FBLN1: variants seen among roughly 807,000 people sequenced by gnomAD.
FBLN1 encodes the protein fibulin 1, also known as fibulin-1.
FBLN1 carries 34 observed loss-of-function variants against 89.7 expected under a neutral mutation model. That is an observed-to-expected ratio of 0.38 (90% CI 0.29 to 0.50). The LOEUF is 0.50. Among genes scored for constraint, FBLN1 ranks in the 20% least tolerant of loss-of-function variants. The probability of loss-of-function intolerance (pLI) is 0.92; values close to 1 mark genes in which losing one functional copy is unlikely to be tolerated. For missense variants in FBLN1, 777 were observed against 988.1 expected (o/e 0.79, Z 2.86); for synonymous variants, 393 against 391.3 (o/e 1.00, Z -0.05).
At chr22:45,517,396 G>A (rs2088183981) in intron 1 of FBLN1, 1 of 357,962 alleles carries the variant, frequency 2.8e-6, no homozygotes, top group African/African-American at 2.2e-5. Flanking sequence ...TCCTCCCTTG[G>A]GGCACAATGG....
At position 45,556,614 on chromosome 22, in the gene FBLN1, C is replaced by T. The variant is rs1040516787; in HGVS notation, c.1697+5999C>T. Among the ~76,000 whole-genome samples the T allele has an allele frequency of 1.2e-4, 18 of 152,138 alleles. No individual in the cohort carries two copies. The highest frequency in any genetic ancestry group is 4.3e-4 in the African/African-American group (18 of 41,424). ...GGATCTCCTGTATTCCATGCATACT[C>T]TAACTTATCTTCATTTTGGAGTAGT... On this transcript the variant is annotated intron_variant, in intron 14 of 16. Transcript: ENST00000327858. This position sits in a 1 kb window ranked among gnomAD's most constrained non-coding sequence, Gnocchi z 4.6.
chr22:45,528,838 TCTGAAAGCCG>T (rs1434657722), intron 4 of FBLN1, among the ~76,000 whole-genome samples: 1 of 152,166 alleles, frequency 6.6e-6, no homozygotes, highest in Non-Finnish European at 1.5e-5. Context: ...TGTGACCTTA[TCTGAAAGCCG>T]CTGTCCTGGA....
Position 45,527,922 on chromosome 22 carries a change from G to A in FBLN1, c.397G>A (p.Gly133Ser), listed in dbSNP as rs1475231906. ...GQSCEYSLMV[G>S]YQCGQVFQAC... ...GAGCTGCGAGTACAGCCTCATGGTTGGCTACCAGTGTGGACAGGTCTTCCA... is the reference window on the plus strand; with the variant it reads ...GAGCTGCGAGTACAGCCTCATGGTTAGCTACCAGTGTGGACAGGTCTTCCA... Residue 133 changes from glycine (G) to serine (S), a missense_variant, in exon 4 of 17, where the codon GGC (glycine) becomes AGC (serine). Gly to Ser is a moderately conservative substitution (Grantham distance 56). Transcript: ENST00000327858. 1.9e-6 allele frequency: 3 copies of A among 1,614,072 alleles called. No homozygotes were observed. Among genetic ancestry groups the A allele is most frequent in the South Asian group, 2.2e-5 (2 of 91,084 alleles).
At chr22:45,524,593 C>T (rs1378082176) in intron 2 of FBLN1, among the ~76,000 whole-genome samples, 2 of 152,148 alleles carry the variant, frequency 1.3e-5, no homozygotes, top group African/African-American at 2.4e-5. Flanking sequence ...GGAACGAGCA[C>T]TGAGAAGAGC....
chr22:45,509,480 A>C (rs1026067794), intron 1 of FBLN1, among the ~76,000 whole-genome samples: 4 of 152,138 alleles, frequency 2.6e-5, no homozygotes, highest in Admixed American at 6.5e-5. Context: ...CAGGAGCCCT[A>C]AGAGCAGGCT....
chr22:45,575,073 C>T lies in FBLN1; in HGVS notation c.1840+420C>T, dbSNP rs1171590035. On this transcript the variant is annotated intron_variant, in intron 15 of 16. Coordinates refer to ENST00000327858, the MANE Select transcript of FBLN1 (RefSeq NM_006486.3). This position sits in a 1 kb window ranked among gnomAD's most constrained non-coding sequence, Gnocchi z 6.3. ...CTGGGATTACAGGCGTGAGCCACCG[C>T]GCCTGGCAACTTGACATGCAGAACT... 2.6e-5 allele frequency among the ~76,000 whole-genome samples: 4 copies of T among 152,166 alleles called. No individual in the cohort carries two copies. Among genetic ancestry groups the T allele is most frequent in the Admixed American group, 6.5e-5 (1 of 15,270 alleles).
intron 8 of FBLN1, among the ~76,000 whole-genome samples, chr22:45,539,760 C>CCATT (rs1415887209): frequency 1.3e-5 from 2 of 152,296 alleles, no homozygotes; most frequent in African/African-American, 2.4e-5. Context: ...TTATTCATTC[C>CCATT]CATTCATTCA....
chr22:45,515,509 C>T (rs529744222), intron 1 of FBLN1, among the ~76,000 whole-genome samples: 1 of 152,288 alleles, frequency 6.6e-6, no homozygotes, highest in Admixed American at 6.5e-5. Flanking sequence ...ATTTCCAAAC[C>T]GTTTCTGCAG....
intron 16 of FBLN1, among the ~76,000 whole-genome samples, chr22:45,582,477 C>T (rs1036793252): frequency 1.3e-5 from 2 of 152,150 alleles, no homozygotes; most frequent in African/African-American, 2.4e-5. Flanking sequence ...CTTTACCTGC[C>T]GAGGGCCCAC....
At chr22:45,542,116 CTAAAGGTT>C (rs780269734) in intron 9 of FBLN1, 31 bp from the exon 10 acceptor site, 30 of 1,613,896 alleles carry the variant, frequency 1.9e-5, no homozygotes, top group Non-Finnish European at 2.5e-5. Flanking sequence ...AAAACCCAAA[CTAAAGGTT>C]TTCATCATGG....
At chr22:45,547,346 G>A (rs1602197750) in intron 12 of FBLN1, 142 bp downstream of exon 12, 3 of 1,011,002 alleles carry the variant, frequency 3.0e-6, no homozygotes, top group East Asian at 5.4e-5. Flanking sequence ...GTCCACCCTT[G>A]GAGGCAAGCG....
At chr22:45,570,069 C>G (rs1389766984) in intron 14 of FBLN1, among the ~76,000 whole-genome samples, 2 of 151,760 alleles carry the variant, frequency 1.3e-5, no homozygotes, top group Admixed American at 1.3e-4. Context: ...CCTGTAATCC[C>G]AGCATTTTGG....
At position 45,581,086 on chromosome 22, in the gene FBLN1, G is replaced by A. The variant is rs2089038287; in HGVS notation, c.1972+3978G>A. ...TTCTCAGCTCTGCAGCCTGTAATCC[G>A]GGGTGCTCTGGGAAGAGATCTTTCA... is the stretch of plus-strand genomic sequence containing the variant. On this transcript the variant is annotated intron_variant, in intron 16 of 16. Coordinates refer to ENST00000327858, the MANE Select transcript of FBLN1 (RefSeq NM_006486.3). The surrounding 1 kb of genome is among the most constrained non-coding windows in gnomAD (Gnocchi z 7.6). Among the ~76,000 whole-genome samples the A allele has an allele frequency of 6.6e-6, 1 of 152,260 alleles. No individual in the cohort carries two copies. The highest frequency in any genetic ancestry group is 2.4e-5 in the African/African-American group (1 of 41,556).
chr22:45,515,231 G>A (rs539963703), intron 1 of FBLN1, among the ~76,000 whole-genome samples: 19 of 152,250 alleles, frequency 1.2e-4, no homozygotes, highest in East Asian at 3.9e-4. Context: ...CCTCTGCCTC[G>A]TCGCCATCCA....
rs757136781 is a variant in FBLN1 at position 45,541,347 on chromosome 22, C to T, written c.1041C>T (p.Leu347=). The T allele has an allele frequency of 2.5e-6, 4 of 1,614,260 alleles. No homozygotes were observed. The South Asian group carries it at 4.4e-5, about 18-fold the overall frequency. Residue 347 remains leucine, a synonymous_variant, in exon 9 of 17, where the codon CTC becomes CTT. Coordinates refer to ENST00000327858, the MANE Select transcript of FBLN1 (RefSeq NM_006486.3). ...CCAACTGTGGCCGTGGCTACCATCT[C>T]AACGAGGAGGGAACGCGCTGTGTTG... ...NVPNCGRGYH[L]NEEGTRCVDV... is the part of the protein sequence containing the mutation.
At chr22:45,595,892 C>CAT (rs2089180465) in intron 16 of FBLN1, among the ~76,000 whole-genome samples, 1 of 61,066 alleles carries the variant, frequency 1.6e-5, no homozygotes, top group Non-Finnish European at 4.4e-5. Context: ...TTTTTTGAGA[C>CAT]AGAGTCTTGC....
At chr22:45,540,923 T>C (rs1476843074) in intron 8 of FBLN1, among the ~76,000 whole-genome samples, 2 of 152,246 alleles carry the variant, frequency 1.3e-5, no homozygotes, top group African/African-American at 4.8e-5. Context: ...GTGCCCAGTG[T>C]GTGGAGTAGA....
chr22:45,548,854 G>A (rs1047403724), intron 13 of FBLN1, 110 bp downstream of exon 13: 1 of 1,521,068 alleles, frequency 6.6e-7, no homozygotes. Flanking sequence ...AAGGGCCACA[G>A]CACAGATGGA....
chr22:45,565,018 G>C (rs201418561), intron 14 of FBLN1: 1 of 1,612,802 alleles, frequency 6.2e-7, no homozygotes, highest in Non-Finnish European at 8.5e-7. Context: ...TGGACAGACA[G>C]TCAGCTCCAC....
Sources: gnomAD v4.1 joint callset for allele counts (sites outside exome capture counted in the v4.1 genomes callset) on GRCh38, gnomAD v4.1.1 for gene constraint, Gnocchi (gnomAD v3.1) non-coding constraint, MANE v1.5 for transcripts, NCBI Gene and HGNC (gene_info 2026-07-23, HGNC 2026-07-21) for gene names.